SIPA1L2: variants seen among roughly 807,000 people sequenced by gnomAD.
The protein encoded by SIPA1L2 is signal-induced proliferation-associated 1-like protein 2.
Under a neutral mutation model 163.9 loss-of-function variants are expected in SIPA1L2, and 56 were observed. That is an observed-to-expected ratio of 0.34 (90% CI 0.28 to 0.43). The LOEUF is 0.43. Ranked by LOEUF, SIPA1L2 falls within the 20% of genes least tolerant of loss-of-function variation. SIPA1L2 has a pLI of 1.00. For missense variants in SIPA1L2, 1,974 were observed against 2,193.5 expected (o/e 0.90, Z 2.00); for synonymous variants, 877 against 865.7 (o/e 1.01, Z -0.23).
At chr1:232,525,450 T>A (rs1314347384) in intron 2 of SIPA1L2, among the ~76,000 whole-genome samples, 4 of 150,708 alleles carry the variant, frequency 2.7e-5, no homozygotes, top group Non-Finnish European at 5.9e-5. Flanking sequence ...GAGACGGGGT[T>A]TCACCATGTT....
chr1:232,612,900 T>C (rs1013516777), intron 1 of SIPA1L2, among the ~76,000 whole-genome samples: 4 of 152,158 alleles, frequency 2.6e-5, no homozygotes, highest in Non-Finnish European at 5.9e-5. Flanking sequence ...CCAAATCTTA[T>C]CTTGAATTGT....
Position 232,441,871 on chromosome 1 carries a change from G to T in SIPA1L2, c.3438-3C>A. 6.2e-7 allele frequency: 1 copy of T among 1,609,732 alleles called. No individual in the cohort carries two copies. The highest frequency in any genetic ancestry group is 8.5e-7 in the Non-Finnish European group (1 of 1,177,596). ...CGAGCAGTAGAGGGGACTGGCACCT[G>T]AAAAGAACACAGAGTTGAGCCTGTC... is the stretch of plus-strand genomic sequence containing the variant. On this transcript the variant is annotated splice_region_variant and splice_polypyrimidine_tract_variant and intron_variant, in intron 12 of 22. Transcript: ENST00000674635.
chr1:232,453,041 ATAG>A (rs1663682673), intron 10 of SIPA1L2, among the ~76,000 whole-genome samples: 1 of 152,268 alleles, frequency 6.6e-6, no homozygotes, highest in Non-Finnish European at 1.5e-5. Context: ...ACAGATGTTT[ATAG>A]AGTTCTGGAA....
intron 2 of SIPA1L2, among the ~76,000 whole-genome samples, chr1:232,551,172 A>T (rs956491986): frequency 2.0e-5 from 3 of 152,242 alleles, no homozygotes; most frequent in African/African-American, 7.2e-5. Context: ...ATGAGATAGC[A>T]GAATGCATGT....
At chr1:232,617,057 T>TGAAATAATTG (rs1251607333) in intron 1 of SIPA1L2, among the ~76,000 whole-genome samples, 2 of 152,260 alleles carry the variant, frequency 1.3e-5, no homozygotes, top group Non-Finnish European at 2.9e-5. Context: ...TTGTTGCATT[T>TGAAATAATTG]GAAATAATTG....
intron 2 of SIPA1L2, among the ~76,000 whole-genome samples, chr1:232,519,778 T>C (rs542864770): frequency 3.0e-4 from 45 of 152,206 alleles, no homozygotes; most frequent in Non-Finnish European, 5.4e-4. Flanking sequence ...TGTACATGTA[T>C]ATGGTGAGTG....
intron 2 of SIPA1L2, among the ~76,000 whole-genome samples, chr1:232,559,924 T>TA (rs1190795315): frequency 6.6e-6 from 1 of 152,158 alleles, no homozygotes; most frequent in Non-Finnish European, 1.5e-5. Context: ...ATCAAGGAAA[T>TA]AAAAGTTCAC....
chr1:232,535,478 CA>C (rs1427063168), intron 2 of SIPA1L2, among the ~76,000 whole-genome samples: 2 of 151,950 alleles, frequency 1.3e-5, no homozygotes, highest in Non-Finnish European at 2.9e-5. Flanking sequence ...ACTACAAAAC[CA>C]AAATCGCAGT....
intron 10 of SIPA1L2, among the ~76,000 whole-genome samples, chr1:232,455,387 A>G (rs4649376): frequency 0.29 from 44,053 of 152,102 alleles, 6,988 homozygotes; most frequent in East Asian, 0.57. Flanking sequence ...GTCTGGATAA[A>G]GAAAATGTGG....
In SIPA1L2 at chr1:232,515,481, C is replaced by T. The variant is rs916955381; in HGVS notation, c.-142G>A. 1 of 823,614 alleles carries T rather than the reference C, an allele frequency of 1.2e-6. No individual in the cohort carries two copies. Among genetic ancestry groups the T allele is most frequent in the Non-Finnish European group, 1.8e-6 (1 of 554,338 alleles). 51.0% of individuals were successfully genotyped at this position (823,614 alleles called of 1,614,324 possible). ...TTTTCTTTTCTTAGCCCAAAGCAAA[C>T]AACATCCTCAGAATACAGTTTCTTC... On this transcript the variant is annotated 5_prime_UTR_variant, in exon 3 of 23. Coordinates refer to ENST00000674635, the MANE Select transcript of SIPA1L2 (RefSeq NM_020808.5).
chr1:232,491,641 C>A (rs1665935388), intron 4 of SIPA1L2, among the ~76,000 whole-genome samples: 1 of 152,144 alleles, frequency 6.6e-6, no homozygotes, highest in South Asian at 2.1e-4. Flanking sequence ...AAATTCACCA[C>A]AGAAACATGC....
At chr1:232,431,838 T>C (rs948111301) in intron 16 of SIPA1L2, among the ~76,000 whole-genome samples, 1 of 152,200 alleles carries the variant, frequency 6.6e-6, no homozygotes, top group African/African-American at 2.4e-5. Context: ...AAAGGAAAAT[T>C]GGAAGTCATG....
chr1:232,514,625 C>T lies in SIPA1L2; in HGVS notation c.715G>A (p.Ala239Thr), dbSNP rs1487719310. ...GFPEFFRCDP[A>T]ISPSLHAAAQ... ...GCTGCATGAAGGCTCGGAGAGATTG[C>T]AGGGTCACAGCGGAAAAATTCAGGG... The change falls in exon 3 of 23, where the codon GCA becomes ACA. Residue 239 changes from alanine to threonine, a missense_variant. By Grantham distance (58) the Ala-to-Thr change is moderately conservative. This residue lies in a region of SIPA1L2 where 607 missense variants were observed against 624.0 expected (regional missense o/e 0.97). Coordinates refer to ENST00000674635, the MANE Select transcript of SIPA1L2 (RefSeq NM_020808.5). 2 of 1,614,066 alleles carry T rather than the reference C, an allele frequency of 1.2e-6. No individual in the cohort carries two copies. Among genetic ancestry groups the T allele is most frequent in the African/African-American group, 1.3e-5 (1 of 74,914 alleles).
chr1:232,618,963 C>A (rs1237805426), intron 1 of SIPA1L2, among the ~76,000 whole-genome samples: 2 of 152,168 alleles, frequency 1.3e-5, no homozygotes, highest in Non-Finnish European at 2.9e-5. Flanking sequence ...ACGTGATAGA[C>A]AAAGTAATTA....
chr1:232,554,333 T>A (rs560186915), intron 2 of SIPA1L2, among the ~76,000 whole-genome samples: 1 of 152,128 alleles, frequency 6.6e-6, no homozygotes. Flanking sequence ...CAGGACACAA[T>A]ACAAAGAAGA....
chr1:232,539,284 G>A (rs532887623), intron 2 of SIPA1L2, among the ~76,000 whole-genome samples: 2 of 152,306 alleles, frequency 1.3e-5, no homozygotes, highest in African/African-American at 4.8e-5. Context: ...GCCTTGAGAG[G>A]TGCGAAACAA....
chr1:232,528,741 C>T (rs1239419034), intron 2 of SIPA1L2, among the ~76,000 whole-genome samples: 1 of 152,178 alleles, frequency 6.6e-6, no homozygotes, highest in South Asian at 2.1e-4. Context: ...CCATATAACC[C>T]AAGGAAACCT....
chr1:232,414,059 T>C lies in SIPA1L2; in HGVS notation c.4762+1435A>G, dbSNP rs541282237. On this transcript the variant is annotated intron_variant, in intron 19 of 22. Coordinates refer to ENST00000674635, the MANE Select transcript of SIPA1L2 (RefSeq NM_020808.5). ...CCACCAGCCTGGGGCTTCTAAAATA[T>C]GCAACTAACTTCTGGTAGCATCAGA... Among the ~76,000 whole-genome samples, 17 of 152,296 alleles carry C rather than the reference T, an allele frequency of 1.1e-4. No homozygotes were observed. In the East Asian group the frequency reaches 1.4e-3, roughly 12 times the overall value.
chr1:232,403,279 G>T (rs1660451738), intron 21 of SIPA1L2, among the ~76,000 whole-genome samples, 169 bp downstream of exon 21: 1 of 152,208 alleles, frequency 6.6e-6, no homozygotes, highest in Non-Finnish European at 1.5e-5. Context: ...CCCACAGCAG[G>T]GCAGGGAGCC....
Sources: allele counts gnomAD v4.1 joint callset (sites outside exome capture counted in the v4.1 genomes callset), GRCh38; gene constraint gnomAD v4.1.1; regional missense constraint gnomAD v4.1.1; transcripts MANE v1.5; gene names NCBI Gene and HGNC (gene_info 2026-07-23, HGNC 2026-07-21).